The following CEP295 variants were observed in gnomAD, a reference collection of about 807,000 sequenced individuals.
CEP295 encodes centrosomal protein of 295 kDa.
CEP295 carries 190 observed loss-of-function variants against 291.6 expected under a neutral mutation model. The ratio of observed to expected loss-of-function variants is 0.65; its 90% confidence interval spans 0.58 to 0.73. CEP295 has a LOEUF of 0.73. CEP295 is among the 30% of genes least tolerant of loss of function. The probability of loss-of-function intolerance (pLI) is 0.00; values close to 1 mark genes in which losing one functional copy is unlikely to be tolerated. For synonymous variants in CEP295, 993 were observed against 1,038.8 expected, an observed-to-expected ratio of 0.96 and a Z score of 0.85; for missense variants, 2,863 against 2,949.4, an observed-to-expected ratio of 0.97 and a Z score of 0.68.
At chr11:93,678,171 A>T (rs1039788070) in intron 6 of CEP295, among the ~76,000 whole-genome samples, 7 of 152,040 alleles carry the variant, frequency 4.6e-5, no homozygotes, top group Admixed American at 4.6e-4. Context: ...ATTTATCTTC[A>T]AGAGATGTGA....
intron 5 of CEP295, among the ~76,000 whole-genome samples, chr11:93,671,172 T>C (rs1179703640): frequency 6.6e-6 from 1 of 152,194 alleles, no homozygotes; most frequent in African/African-American, 2.4e-5. Context: ...TGTGAGCCAC[T>C]GCACCCAGCC....
intron 18 of CEP295, among the ~76,000 whole-genome samples, chr11:93,718,465 T>C (rs149934554): frequency 0.019 from 2,915 of 152,306 alleles, 287 homozygotes; most frequent in Admixed American, 0.17. Flanking sequence ...ACGACAGTTA[T>C]TTCTCTTCCA....
chr11:93,691,178 G>A (rs979589056), intron 10 of CEP295, among the ~76,000 whole-genome samples: 1 of 150,966 alleles, frequency 6.6e-6, no homozygotes, highest in Non-Finnish European at 1.5e-5. Context: ...GGTATCCCCA[G>A]CATCTGCCAC....
At chr11:93,715,958 G>A (rs1478206783) in intron 18 of CEP295, among the ~76,000 whole-genome samples, 1 of 151,918 alleles carries the variant, frequency 6.6e-6, no homozygotes, top group African/African-American at 2.4e-5. Flanking sequence ...TTAGGGGAGG[G>A]GTAGCACAAG....
intron 6 of CEP295, among the ~76,000 whole-genome samples, chr11:93,677,946 GT>G (rs2134897974): frequency 6.6e-6 from 1 of 152,248 alleles, no homozygotes; most frequent in South Asian, 2.1e-4. Flanking sequence ...ATAGGGGATT[GT>G]CTTCCTAAAG....
intron 5 of CEP295, among the ~76,000 whole-genome samples, chr11:93,670,685 A>G (rs1203907490): frequency 6.6e-6 from 1 of 152,154 alleles, no homozygotes; most frequent in African/African-American, 2.4e-5. Context: ...TTCAGACGGA[A>G]AAGTTGTATT....
chr11:93,721,850 C>A, intron 19 of CEP295, 104 bp from the exon 20 acceptor site: 1 of 781,498 alleles, frequency 1.3e-6, no homozygotes, highest in Non-Finnish European at 2.3e-6. Flanking sequence ...ATGGTTTCTA[C>A]ACTTGACCTG....
chr11:93,693,374 A>C (rs1447422662), intron 12 of CEP295, among the ~76,000 whole-genome samples: 1 of 152,236 alleles, frequency 6.6e-6, no homozygotes, highest in Admixed American at 6.5e-5. Flanking sequence ...GCTAATTATT[A>C]CTAAGCAGGC....
chr11:93,706,149 G>T (rs1952499785), intron 17 of CEP295, among the ~76,000 whole-genome samples: 1 of 152,120 alleles, frequency 6.6e-6, no homozygotes, highest in Admixed American at 6.5e-5. Flanking sequence ...CTCAGGAGAG[G>T]GATAACTCTT....
chr11:93,685,525 A>T (rs560638384), intron 9 of CEP295, among the ~76,000 whole-genome samples: 2 of 152,040 alleles, frequency 1.3e-5, no homozygotes, highest in Non-Finnish European at 1.5e-5. Context: ...TAAGGTTACT[A>T]CCAGCAACTG....
intron 24 of CEP295, 48 bp downstream of exon 24, chr11:93,727,685 GA>G (rs1415903489): frequency 1.4e-6 from 2 of 1,416,102 alleles, no homozygotes; most frequent in African/African-American, 2.9e-5. Flanking sequence ...TCCTTTTTGG[GA>G]AAAAACTTTT....
Position 93,679,432 on chromosome 11 carries a change from T to C in CEP295, c.645T>C (p.Ala215=). The C allele has an allele frequency of 6.4e-7, 1 of 1,550,674 alleles. No individual in the cohort carries two copies. Among genetic ancestry groups the C allele is most frequent in the African/African-American group, 1.4e-5 (1 of 73,098 alleles). ...DTKRPDARLA[A]EEEAKRLEEL... is the part of the protein sequence containing the mutation. ...GCTAGCCAGATGCTCGTTTGGCTGC[T>C]GAAGAGGAAGCTAAACGATTGGAAG... is the stretch of plus-strand genomic sequence containing the variant. Residue 215 remains alanine, a synonymous_variant, in exon 7 of 30, where the codon GCT becomes GCC. Transcript: ENST00000325212.
At position 93,691,678 on chromosome 11, in the gene CEP295, T is replaced by G; in HGVS notation, c.1337-5T>G. The G allele has an allele frequency of 6.6e-7, 1 of 1,503,836 alleles. No individual in the cohort carries two copies. The highest frequency in any genetic ancestry group is 9.0e-7 in the Non-Finnish European group (1 of 1,110,022). The allele number at this position is 1,503,836 out of a possible 1,614,324, so 93.2% of individuals were successfully genotyped here. A position where few individuals can be genotyped will look rare whatever the true frequency, so the allele number is the denominator to read the frequency against. On this transcript the variant is annotated splice_region_variant and splice_polypyrimidine_tract_variant and intron_variant, in intron 10 of 29. Transcript: ENST00000325212. ...TCAAAATAACAGTGGTATTATCTATTACAGTTGTTGAAAGTGATACACTAA... is the reference window on the plus strand; with the variant it reads ...TCAAAATAACAGTGGTATTATCTATGACAGTTGTTGAAAGTGATACACTAA...
intron 9 of CEP295, among the ~76,000 whole-genome samples, chr11:93,685,157 G>A (rs1384701185): frequency 1.3e-5 from 2 of 152,132 alleles, no homozygotes; most frequent in African/African-American, 4.8e-5. Context: ...CCTTTTACCT[G>A]CATGTCTCCT....
chr11:93,720,731 C>T (rs1015616111), intron 18 of CEP295, among the ~76,000 whole-genome samples: 4 of 151,960 alleles, frequency 2.6e-5, no homozygotes, highest in East Asian at 1.9e-4. Context: ...TGAGTAGCTG[C>T]GACTACAGGT....
At chr11:93,702,060 G>A (rs1952201382) in intron 15 of CEP295, among the ~76,000 whole-genome samples, 1 of 151,962 alleles carries the variant, frequency 6.6e-6, no homozygotes, top group African/African-American at 2.4e-5. Flanking sequence ...CCAGGTTCAA[G>A]TGATTCTCCT....
In CEP295 at chr11:93,702,510, G is replaced by C; in HGVS notation, c.5325G>C (p.Gln1775His). The C allele has an allele frequency of 1.3e-6, 2 of 1,549,044 alleles. No homozygotes were observed. Among genetic ancestry groups the C allele is most frequent in the South Asian group, 1.2e-5 (1 of 83,218 alleles). ...ENDLKTQKMG[Q>H]LRDWFPNTQD... The stretch of plus-strand genomic sequence containing the variant: ...ATTTAAAAACCCAGAAGATGGGGCA[G>C]CTCAGAGACTGGTTTCCTAATACAC... Residue 1775 changes from glutamine (Q) to histidine (H), a missense_variant, in exon 16 of 30, where the codon CAG (glutamine) becomes CAC (histidine). By Grantham distance (24) the Gln-to-His change is conservative (BLOSUM62 0). This residue lies in a region of CEP295 where 2,295 missense variants were observed against 2,335.7 expected (regional missense o/e 0.98). Transcript: ENST00000325212.
At chr11:93,712,450 C>G (rs566939321) in intron 18 of CEP295, among the ~76,000 whole-genome samples, 4 of 151,716 alleles carry the variant, frequency 2.6e-5, no homozygotes, top group Non-Finnish European at 5.9e-5. Flanking sequence ...GACGGGGTTT[C>G]GCCATGTTGG....
Position 93,725,684 on chromosome 11 carries a change from A to C in CEP295, c.6352A>C (p.Thr2118Pro). Residue 2118 changes from threonine to proline, a missense_variant, in exon 23 of 30, where the codon ACT becomes CCT. Transcript: ENST00000325212. ...SDSSSESHCA[T>P]GLSKSTVYFT... ...TTCTTCATCTGAAAGCCACTGTGCT[A>C]CTGGATTATCCAAAAGTACAGTTTA... 1 of 1,550,240 alleles carries C rather than the reference A, an allele frequency of 6.5e-7. No individual in the cohort carries two copies. Among genetic ancestry groups the C allele is most frequent in the East Asian group, 2.4e-5 (1 of 40,874 alleles).
Sources: allele counts gnomAD v4.1 joint callset (sites outside exome capture counted in the v4.1 genomes callset), GRCh38; gene constraint gnomAD v4.1.1; regional missense constraint gnomAD v4.1.1; transcripts MANE v1.5; gene names NCBI Gene and HGNC (gene_info 2026-07-23, HGNC 2026-07-21).